CARNMT1: variants seen among roughly 807,000 people sequenced by gnomAD.
CARNMT1 encodes carnosine N-methyltransferase 1.
CARNMT1 carries 28 observed loss-of-function variants against 49.6 expected under a neutral mutation model. The observed-to-expected ratio is 0.56, with a 90% confidence interval of 0.42 to 0.77. The LOEUF is 0.77. Ranked by LOEUF, CARNMT1 falls within the 30% of genes least tolerant of loss-of-function variation. The pLI is 0.00. For synonymous variants in CARNMT1, 178 were observed against 175.0 expected (o/e 1.02, Z -0.13); for missense variants, 421 against 512.6 (o/e 0.82, Z 1.73).
chr9:74,996,220 A>G, intron 6 of CARNMT1: 1 of 372,278 alleles, frequency 2.7e-6, no homozygotes, highest in Non-Finnish European at 4.8e-6. Flanking sequence ...CACTGAAATT[A>G]CAATGACTGT....
chr9:75,015,004 G>A (rs1295656141), intron 3 of CARNMT1, among the ~76,000 whole-genome samples: 1 of 152,142 alleles, frequency 6.6e-6, no homozygotes, highest in Non-Finnish European at 1.5e-5. Flanking sequence ...CTCTCTAAAA[G>A]ATCTTTAAAT....
chr9:75,017,283 A>G lies in CARNMT1; in HGVS notation c.396T>C (p.His132=). ...CTCCATATTCTTTATTTTCAAACAT[A>G]TGTATGCAATCATTCACAATGGTCA... ...ILLTIVNDCI[H]MFENKEYGED... is the part of the protein sequence containing the mutation. Residue 132 remains histidine, a synonymous_variant, in exon 2 of 8, where the codon CAT becomes CAC. Coordinates refer to ENST00000376834, the MANE Select transcript of CARNMT1 (RefSeq NM_152420.3). 1 of 1,613,436 alleles carries G rather than the reference A, an allele frequency of 6.2e-7. No homozygotes were observed. Among genetic ancestry groups the G allele is most frequent in the South Asian group, 1.1e-5 (1 of 91,008 alleles).
chr9:74,987,497 A>C (rs139794312), intron 6 of CARNMT1, among the ~76,000 whole-genome samples: 106 of 152,334 alleles, frequency 7.0e-4, no homozygotes, highest in African/African-American at 2.5e-3. Context: ...ATGAATCTCA[A>C]AAGTGTTATG....
intron 3 of CARNMT1, chr9:75,009,949 G>A (rs997386628): frequency 9.2e-5 from 14 of 152,094 alleles, no homozygotes; most frequent in African/African-American, 3.1e-4. Context: ...AAAGCACGTA[G>A]TGCAAAAGGT....
chr9:74,994,614 G>A (rs1358166433), intron 6 of CARNMT1, among the ~76,000 whole-genome samples: 1 of 152,146 alleles, frequency 6.6e-6, no homozygotes. Flanking sequence ...ATGAGATTAG[G>A]TAGGAGGAAT....
At chr9:75,005,617 C>A (rs915034795) in intron 3 of CARNMT1, among the ~76,000 whole-genome samples, 4 of 151,678 alleles carry the variant, frequency 2.6e-5, no homozygotes, top group Non-Finnish European at 5.9e-5. Flanking sequence ...GGACTACAGG[C>A]ACCTGTCACC....
chr9:74,984,974 T>G lies in CARNMT1; in HGVS notation c.1061A>C (p.Glu354Ala). Reference sequence around the variant, plus strand: ...CTCATAGCTCAATTCTATGGAAAGTTCATTTGCCAGATTTTCAAAGTGGTA... The same window carrying G: ...CTCATAGCTCAATTCTATGGAAAGTGCATTTGCCAGATTTTCAAAGTGGTA... ...LLYHFENLAN[E>A]LSIELSYEDI... is the part of the protein sequence containing the mutation. The change falls in exon 7 of 8, where the codon GAA becomes GCA. Residue 354 changes from glutamate (E) to alanine (A), a missense_variant. Glu to Ala is a moderately radical substitution (Grantham distance 107). Coordinates refer to ENST00000376834, the MANE Select transcript of CARNMT1 (RefSeq NM_152420.3). 6.2e-7 allele frequency: 1 copy of G among 1,613,904 alleles called. No individual in the cohort carries two copies. The highest frequency in any genetic ancestry group is 8.5e-7 in the Non-Finnish European group (1 of 1,179,870).
chr9:74,993,625 G>T (rs1041385581), intron 6 of CARNMT1, among the ~76,000 whole-genome samples: 7 of 152,030 alleles, frequency 4.6e-5, no homozygotes, highest in Non-Finnish European at 1.5e-5. Flanking sequence ...TCTCAACTGG[G>T]GATGACTCTG....
intron 5 of CARNMT1, among the ~76,000 whole-genome samples, chr9:74,998,386 CAG>C (rs1833257681): frequency 6.6e-6 from 1 of 152,166 alleles, no homozygotes; most frequent in South Asian, 2.1e-4. Context: ...ATGGGCCCAA[CAG>C]ATTCTAAATT....
At chr9:74,996,213 T>C (rs1833184588) in intron 6 of CARNMT1, 1 of 354,092 alleles carries the variant, frequency 2.8e-6, no homozygotes, top group South Asian at 4.7e-5. Context: ...TAGTATACAC[T>C]GAAATTACAA....
intron 3 of CARNMT1, among the ~76,000 whole-genome samples, chr9:75,000,206 C>G (rs1386929724): frequency 1.3e-5 from 2 of 151,902 alleles, no homozygotes; most frequent in South Asian, 2.1e-4. Context: ...CAAAGGGATC[C>G]CAATTAAATA....
chr9:74,994,635 A>C (rs1023587917), intron 6 of CARNMT1, among the ~76,000 whole-genome samples: 1 of 152,218 alleles, frequency 6.6e-6, no homozygotes, highest in Non-Finnish European at 1.5e-5. Flanking sequence ...ATGGAGTCAA[A>C]AATGAGTACA....
intron 3 of CARNMT1, chr9:75,015,791 T>A (rs10465192): frequency 0.6 from 86,978 of 145,840 alleles, 27,332 homozygotes; most frequent in Non-Finnish European, 0.71. Flanking sequence ...CTCAAAAAAA[T>A]AAATAAATAA....
rs1242222342 is a variant in CARNMT1 at position 75,021,784 on chromosome 9, C to T, written c.231-4336G>A. Among the ~76,000 whole-genome samples the T allele has an allele frequency of 2.0e-5, 3 of 151,908 alleles. No homozygotes were observed. The East Asian group carries it at 5.8e-4, about 29-fold the overall frequency. ...TCCTCTCTACAAAAAAATAAAAAAA[C>T]AAAATGAGCCAGGCGTGGTGGTGCA... On this transcript the variant is annotated intron_variant, in intron 1 of 7. Coordinates refer to ENST00000376834, the MANE Select transcript of CARNMT1 (RefSeq NM_152420.3).
intron 5 of CARNMT1, among the ~76,000 whole-genome samples, chr9:74,997,757 C>A (rs1191872463): frequency 6.6e-6 from 1 of 152,076 alleles, no homozygotes; most frequent in Non-Finnish European, 1.5e-5. Flanking sequence ...CCCAGTCACT[C>A]TGTAACCCGT....
At chr9:74,987,488 T>A (rs1832879780) in intron 6 of CARNMT1, among the ~76,000 whole-genome samples, 1 of 152,154 alleles carries the variant, frequency 6.6e-6, no homozygotes, top group Non-Finnish European at 1.5e-5. Context: ...AACAAAATGA[T>A]GAATCTCAAA....
intron 6 of CARNMT1, among the ~76,000 whole-genome samples, chr9:74,986,301 T>G (rs953215506): frequency 6.6e-6 from 1 of 152,196 alleles, no homozygotes; most frequent in Non-Finnish European, 1.5e-5. Flanking sequence ...GGTAAAAAAG[T>G]TTTTCTTTCT....
chr9:74,991,417 G>C (rs992701293), intron 6 of CARNMT1: 2 of 152,472 alleles, frequency 1.3e-5, no homozygotes, highest in Non-Finnish European at 2.9e-5. Context: ...TGGGATTACA[G>C]GTGTGAGCCA....
Position 74,990,563 on chromosome 9 carries a change from C to T in CARNMT1, c.1025-5553G>A, listed in dbSNP as rs184127013. ...CACGCATATACATGATTTTTACAGA[C>T]GGACATATACATATATTTCCTACCC... On this transcript the variant is annotated intron_variant, in intron 6 of 7. Transcript: ENST00000376834. Among the ~76,000 whole-genome samples the T allele has an allele frequency of 2.1e-3, 325 of 152,260 alleles. 1 individual carries two copies. Among genetic ancestry groups the T allele is most frequent in the Admixed American group, 4.4e-3 (68 of 15,288 alleles).
Sources: gnomAD v4.1 joint callset for allele counts (sites outside exome capture counted in the v4.1 genomes callset) on GRCh38, gnomAD v4.1.1 for gene constraint, MANE v1.5 for transcripts, NCBI Gene and HGNC (gene_info 2026-07-23, HGNC 2026-07-21) for gene names.